The following TTLL11 variants were observed in gnomAD, a reference collection of about 807,000 sequenced individuals.
TTLL11 encodes tubulin tyrosine ligase like 11.
In TTLL11, 42 loss-of-function variants were observed where a neutral mutation model predicts 51.7. The ratio of observed to expected loss-of-function variants is 0.81; its 90% CI spans 0.64 to 1.05. The LOEUF is 1.05. Ranked by LOEUF, TTLL11 falls within the 50% of genes least tolerant of loss-of-function variation. The probability of loss-of-function intolerance (pLI) is 0.00; values close to 1 mark genes in which losing one functional copy is unlikely to be tolerated. For missense variants in TTLL11, 799 were observed against 940.4 expected, an observed-to-expected ratio of 0.85 and a Z score of 1.97; for synonymous variants, 381 against 383.5, an observed-to-expected ratio of 0.99 and a Z score of 0.08.
intron 1 of TTLL11, among the ~76,000 whole-genome samples, chr9:122,057,132 C>A (rs1341537624): frequency 6.6e-6 from 1 of 152,144 alleles, no homozygotes; most frequent in Admixed American, 6.5e-5. Flanking sequence ...TTGCATTAAA[C>A]CCCATTATTG....
At chr9:122,016,592 A>G (rs775347318) in intron 3 of TTLL11, among the ~76,000 whole-genome samples, 3 of 152,176 alleles carry the variant, frequency 2.0e-5, no homozygotes, top group Non-Finnish European at 2.9e-5. Context: ...AACCCAGCGG[A>G]GGACGTTGTT....
chr9:121,892,027 T>C (rs1196685049), intron 6 of TTLL11, among the ~76,000 whole-genome samples: 1 of 127,460 alleles, frequency 7.8e-6, no homozygotes, highest in Non-Finnish European at 1.7e-5. Flanking sequence ...TATATATAGG[T>C]TTTATATATA....
intron 6 of TTLL11, among the ~76,000 whole-genome samples, chr9:121,963,984 A>G (rs1842320511): frequency 6.6e-6 from 1 of 152,216 alleles, no homozygotes; most frequent in Non-Finnish European, 1.5e-5. Flanking sequence ...GCCTCCAACG[A>G]TAATAGGATG....
chr9:121,877,119 G>T (rs1019100069), intron 6 of TTLL11, among the ~76,000 whole-genome samples: 6 of 152,218 alleles, frequency 3.9e-5, no homozygotes, highest in African/African-American at 1.4e-4. Flanking sequence ...ATGGCAAAGG[G>T]ACATAAACAG....
intron 6 of TTLL11, among the ~76,000 whole-genome samples, chr9:121,897,579 G>A (rs1839573567): frequency 7.1e-6 from 1 of 141,180 alleles, no homozygotes; most frequent in Non-Finnish European, 1.5e-5. Flanking sequence ...TGGCTACCCC[G>A]CATCCCACAA....
chr9:121,918,946 T>G (rs1018817746), intron 6 of TTLL11, among the ~76,000 whole-genome samples: 1 of 152,210 alleles, frequency 6.6e-6, no homozygotes, highest in African/African-American at 2.4e-5. Context: ...GAAACCAGTA[T>G]GATGGTTACC....
chr9:122,078,844 A>G (rs1406852809), intron 1 of TTLL11, among the ~76,000 whole-genome samples: 3 of 152,146 alleles, frequency 2.0e-5, no homozygotes, highest in Admixed American at 6.5e-5. Context: ...TGTGAAAAGC[A>G]TCATATGGAG....
At chr9:121,996,092 T>C (rs1260835975) in intron 3 of TTLL11, among the ~76,000 whole-genome samples, 1 of 152,196 alleles carries the variant, frequency 6.6e-6, no homozygotes, top group Non-Finnish European at 1.5e-5. Flanking sequence ...TGGCATCGAT[T>C]ACCCCTGAGG....
At chr9:121,958,875 G>A (rs551380767) in intron 6 of TTLL11, among the ~76,000 whole-genome samples, 3 of 152,236 alleles carry the variant, frequency 2.0e-5, no homozygotes, top group Non-Finnish European at 2.9e-5. Context: ...GAGGAGGCTC[G>A]CTGGGGAAGC....
chr9:121,831,831 GGTCTTA>G (rs1262081043), intron 8 of TTLL11, among the ~76,000 whole-genome samples: 1 of 152,124 alleles, frequency 6.6e-6, no homozygotes, highest in Non-Finnish European at 1.5e-5. Flanking sequence ...CTCTGCTCCT[GGTCTTA>G]GTCTTCTCGG....
intron 6 of TTLL11, among the ~76,000 whole-genome samples, chr9:121,967,328 G>A (rs189608235): frequency 0.019 from 2,616 of 141,234 alleles, 40 homozygotes; most frequent in Middle Eastern, 0.042. Context: ...GGGTTCAAGC[G>A]ATTCTCTTGC....
intron 6 of TTLL11, among the ~76,000 whole-genome samples, chr9:121,892,813 A>G (rs1200261052): frequency 6.6e-6 from 1 of 152,218 alleles, no homozygotes; most frequent in African/African-American, 2.4e-5. Flanking sequence ...GGCCACTGGC[A>G]GTACTGTTGC....
At chr9:121,834,210 C>T (rs1245571876) in intron 8 of TTLL11, among the ~76,000 whole-genome samples, 1 of 152,142 alleles carries the variant, frequency 6.6e-6, no homozygotes. Flanking sequence ...ATCTTGCAGC[C>T]CAGCTCCCTG....
At chr9:121,998,373 G>A (rs1260739133) in intron 3 of TTLL11, among the ~76,000 whole-genome samples, 8 of 151,862 alleles carry the variant, frequency 5.3e-5, no homozygotes, top group Admixed American at 3.9e-4. Context: ...TGCAACCTCC[G>A]CCTCCTGGGT....
intron 5 of TTLL11, 57 bp downstream of exon 5, chr9:121,974,826 AG>A: frequency 4.8e-6 from 6 of 1,258,776 alleles, no homozygotes; most frequent in South Asian, 1.4e-5. Context: ...GAGCAACATG[AG>A]GGTAGGAATA....
chr9:121,984,627 G>A (rs1462097178), intron 4 of TTLL11, among the ~76,000 whole-genome samples: 1 of 152,130 alleles, frequency 6.6e-6, no homozygotes, highest in African/African-American at 2.4e-5. Flanking sequence ...TGGGGTGACT[G>A]GCTGAAGGGT....
chr9:121,854,519 A>G (rs376594861), intron 8 of TTLL11, among the ~76,000 whole-genome samples: 24 of 152,336 alleles, frequency 1.6e-4, no homozygotes, highest in African/African-American at 5.5e-4. Context: ...TGAAGTAAAC[A>G]AAGTTCAGAA....
intron 6 of TTLL11, among the ~76,000 whole-genome samples, chr9:121,902,379 C>T (rs1210230123): frequency 6.6e-6 from 1 of 152,202 alleles, no homozygotes; most frequent in Non-Finnish European, 1.5e-5. Context: ...TAAAAGTCTG[C>T]CTGACTCCTG....
intron 8 of TTLL11, among the ~76,000 whole-genome samples, chr9:121,849,277 G>A (rs1248454562): frequency 1.3e-5 from 2 of 152,170 alleles, no homozygotes; most frequent in African/African-American, 2.4e-5. Flanking sequence ...ACAGACCTAC[G>A]TGTAAAATAC....
Sources: allele counts gnomAD v4.1 joint callset (sites outside exome capture counted in the v4.1 genomes callset), GRCh38; gene constraint gnomAD v4.1.1; transcripts MANE v1.5; gene names NCBI Gene and HGNC (gene_info 2026-07-23, HGNC 2026-07-21).